RALGDS: variants seen among roughly 807,000 people sequenced by gnomAD.
RALGDS encodes ral guanine nucleotide dissociation stimulator.
In RALGDS, 44 loss-of-function variants were observed where a neutral mutation model predicts 99.8. The ratio of observed to expected loss-of-function variants is 0.44; its 90% CI spans 0.35 to 0.57. The LOEUF (loss-of-function observed/expected upper bound fraction) is 0.57. Among genes scored for constraint, RALGDS ranks in the 20% least tolerant of loss-of-function variants. The pLI is 0.01. For synonymous variants in RALGDS, 529 were observed against 505.0 expected, an observed-to-expected ratio of 1.05 and a Z score of -0.64; for missense variants, 1,022 against 1,203.1, an observed-to-expected ratio of 0.85 and a Z score of 2.23.
At chr9:133,100,132 A>G in intron 17 of RALGDS, 136 bp downstream of exon 17, 1 of 829,506 alleles carries the variant, frequency 1.2e-6, no homozygotes, top group Non-Finnish European at 2.1e-6. Flanking sequence ...CAATGGGGGC[A>G]GCCAGGGCTG....
chr9:133,138,614 A>C (rs1049902415), intron 1 of RALGDS, among the ~76,000 whole-genome samples: 1 of 152,094 alleles, frequency 6.6e-6, no homozygotes, highest in Non-Finnish European at 1.5e-5. Flanking sequence ...AGCCCTCCTC[A>C]TGGTCACGGC....
At position 133,107,233 on chromosome 9, in the gene RALGDS, C is replaced by T; in HGVS notation, c.1265G>A (p.Gly422Asp). The change falls in exon 7 of 18, where the codon GGC becomes GAC. Residue 422 changes from glycine (G) to aspartate (D), a missense_variant. Transcript: ENST00000372050. Reference protein sequence around the residue: ...GSIWSQRDKKGKEHLAPTIRA... With the variant: ...GSIWSQRDKKDKEHLAPTIRA... The stretch of plus-strand genomic sequence containing the variant: ...GATGGTGGGCGCCAGGTGCTCCTTG[C>T]CCTTCTTGTCCCGCTGGGACCAGAT... 1 of 1,613,754 alleles carries T rather than the reference C, an allele frequency of 6.2e-7. No individual in the cohort carries two copies. The highest frequency in any genetic ancestry group is 1.1e-5 in the South Asian group (1 of 91,090).
At chr9:133,130,121 G>A (rs1832289704) in intron 1 of RALGDS, among the ~76,000 whole-genome samples, 1 of 152,202 alleles carries the variant, frequency 6.6e-6, no homozygotes. Context: ...ACAGGCGCAT[G>A]CCACCACACC....
chr9:133,112,199 T>C (rs774606282), intron 1 of RALGDS, 47 bp from the exon 2 acceptor site: 2 of 1,333,960 alleles, frequency 1.5e-6, no homozygotes, highest in South Asian at 1.3e-5. Flanking sequence ...GTCAAGGGCC[T>C]GCCTGGCCAC....
upstream of RALGDS, among the ~76,000 whole-genome samples, chr9:133,134,387 C>A (rs550521082): frequency 2.2e-4 from 34 of 152,336 alleles, no homozygotes; most frequent in South Asian, 1.9e-3. Context: ...TCTGGCGCCG[C>A]CTTTAGCACA....
intron 1 of RALGDS, among the ~76,000 whole-genome samples, chr9:133,148,709 G>A (rs1041524198): frequency 6.6e-6 from 1 of 152,210 alleles, no homozygotes; most frequent in Non-Finnish European, 1.5e-5. Context: ...GGTGAGCCGA[G>A]CCCTTCCTGG....
At chr9:133,126,504 C>CA (rs1832164949) in intron 1 of RALGDS, among the ~76,000 whole-genome samples, 2 of 152,246 alleles carry the variant, frequency 1.3e-5, no homozygotes, top group South Asian at 4.1e-4. Context: ...GACCTGACCA[C>CA]ACCGGGTCTG....
At chr9:133,107,322 A>C (rs1588522609) in intron 6 of RALGDS, 22 bp from the exon 7 acceptor site, 1 of 1,589,204 alleles carries the variant, frequency 6.3e-7, no homozygotes, top group Non-Finnish European at 8.6e-7. Flanking sequence ...GCTAAATGTC[A>C]CCTGGTCCTG....
At chr9:133,131,085 A>G in exon 1 of RALGDS, 1 of 1,483,642 alleles carries the variant, frequency 6.7e-7, no homozygotes, top group Non-Finnish European at 8.9e-7. Flanking sequence ...CAGGCACATC[A>G]GGCCCTGGGG....
intron 1 of RALGDS, among the ~76,000 whole-genome samples, chr9:133,141,781 T>A (rs1378580049): frequency 1.3e-5 from 2 of 151,884 alleles, no homozygotes; most frequent in East Asian, 3.9e-4. Context: ...GGCAGAGGGG[T>A]AGATGGGCCA....
At chr9:133,103,421 G>GC (rs1449287314) in intron 11 of RALGDS, among the ~76,000 whole-genome samples, 159 bp from the exon 12 acceptor site, 2 of 152,190 alleles carry the variant, frequency 1.3e-5, no homozygotes, top group African/African-American at 4.8e-5. Context: ...GGACATGCGG[G>GC]CAGAGGCTTG....
Position 133,129,142 on chromosome 9 carries a change from G to A in RALGDS, c.132+1810C>T, listed in dbSNP as rs371984740. ...ACTGGTTGCCCTGGAAACTCACCTC[G>A]GTGGTGGCCGGTGCTGGCAGAGGTG... On this transcript the variant is annotated intron_variant, in intron 1 of 17. Coordinates refer to the RALGDS transcript ENST00000372062. 3.7e-4 allele frequency: 589 copies of A among 1,581,620 alleles called. 6 individuals carry two copies. In the African/African-American group the frequency reaches 6.9e-3, roughly 19 times the overall value.
rs117725228 is a variant in RALGDS at position 133,136,217 on chromosome 9, C to A, written c.18+12746G>T. Among the ~76,000 whole-genome samples the A allele has an allele frequency of 2.7e-4, 41 of 152,346 alleles. No individual in the cohort carries two copies. The East Asian group carries it at 7.7e-3, about 29-fold the overall frequency. On this transcript the variant is annotated intron_variant, in intron 1 of 17. Coordinates refer to the RALGDS transcript ENST00000393160. ...ATGCATTTTTGAAAATAAGAATGCTCCAGAAGGCAAAAACAGAACAGGGAA... is the reference window on the plus strand; with the variant it reads ...ATGCATTTTTGAAAATAAGAATGCTACAGAAGGCAAAAACAGAACAGGGAA...
chr9:133,123,881 G>C (rs201445551), upstream of RALGDS, among the ~76,000 whole-genome samples: 4 of 45,888 alleles, frequency 8.7e-5, no homozygotes, highest in South Asian at 1.3e-3. Context: ...GATGCACACA[G>C]AGACACACAC....
chr9:133,102,939 C>G (rs750238465), intron 12 of RALGDS, 39 bp from the exon 13 acceptor site: 3 of 1,610,128 alleles, frequency 1.9e-6, no homozygotes, highest in Non-Finnish European at 2.5e-6. Context: ...GACAAGGCCC[C>G]CCGGGCAGCA....
chr9:133,105,848 A>C (rs13290630), intron 9 of RALGDS, 84 bp downstream of exon 9: 5,853 of 186,116 alleles, frequency 0.031, 225 homozygotes, highest in South Asian at 0.05. Flanking sequence ...CCCCCGCCCC[A>C]GCCCCCGCCC....
At chr9:133,121,611 C>T (rs1402432388), upstream of RALGDS, among the ~76,000 whole-genome samples, 1 of 152,196 alleles carries the variant, frequency 6.6e-6, no homozygotes, top group Non-Finnish European at 1.5e-5. Context: ...GGGGAAGCCG[C>T]CCTGGAGTCA....
At chr9:133,103,135 C>T in intron 12 of RALGDS, 95 bp downstream of exon 12, 2 of 1,522,482 alleles carry the variant, frequency 1.3e-6, no homozygotes, top group Non-Finnish European at 1.8e-6. Context: ...TCCCATGTCC[C>T]ATGAATCTAA....
Position 133,103,755 on chromosome 9 carries a change from A to G in RALGDS, c.1750T>C (p.Tyr584His). The G allele has an allele frequency of 1.2e-6, 2 of 1,613,216 alleles. No homozygotes were observed. Among genetic ancestry groups the G allele is most frequent in the South Asian group, 1.1e-5 (1 of 91,062 alleles). ...CCGCCCGGCACACTCACATACAGAT[A>G]GTCCTTCATGGCAGTGTCCAGCATC... ...LVMLDTAMKD[Y>H]LYGRLINFEK... The change falls in exon 11 of 18, where the codon TAT becomes CAT. Residue 584 changes from tyrosine (Y) to histidine (H), a missense_variant. Transcript: ENST00000372050.
Sources: gnomAD v4.1 joint callset for allele counts (sites outside exome capture counted in the v4.1 genomes callset) on GRCh38, gnomAD v4.1.1 for gene constraint, MANE v1.5 for transcripts, NCBI Gene and HGNC (gene_info 2026-07-23, HGNC 2026-07-21) for gene names.